The following LGI3 variants were observed in gnomAD, a reference collection of about 807,000 sequenced individuals.
The protein encoded by LGI3 is leucine-rich repeat LGI family member 3.
LGI3 carries 47 observed loss-of-function variants against 55.4 expected under a neutral mutation model. The observed-to-expected ratio is 0.85, with a 90% CI of 0.67 to 1.08. LGI3 has a LOEUF of 1.08. Ranked by LOEUF, LGI3 falls within the 50% of genes least tolerant of loss-of-function variation. The pLI, the probability that LGI3 is intolerant of heterozygous loss-of-function variation, is 0.00. For synonymous variants in LGI3, 326 were observed against 315.0 expected (o/e 1.04, Z -0.37); for missense variants, 664 against 726.3 (o/e 0.91, Z 0.99).
At chr8:22,155,300 C>T in intron 2 of LGI3, 92 bp downstream of exon 2, 2 of 1,187,950 alleles carry the variant, frequency 1.7e-6, no homozygotes, top group Non-Finnish European at 2.5e-6. Context: ...GCAGAGGCTG[C>T]CTCTGTCCAC....
rs144291859 is a variant in LGI3, at chr8:22,148,458, C to T, written c.1349G>A (p.Arg450His). 20 of 1,612,268 alleles carry T rather than the reference C, an allele frequency of 1.2e-5. No individual in the cohort carries two copies. Among genetic ancestry groups the T allele is most frequent in the African/African-American group, 5.3e-5 (4 of 74,878 alleles). Residue 450 changes from arginine to histidine, a missense_variant, in exon 8 of 8, where the codon CGC becomes CAC. By Grantham distance (29) the Arg-to-His change is conservative. Coordinates refer to ENST00000306317, the MANE Select transcript of LGI3 (RefSeq NM_139278.4). This position sits in a 1 kb window ranked among gnomAD's most constrained non-coding sequence, Gnocchi z 7.0. Reference protein sequence around the residue: ...SRYIGDSKILRWEGTRFSEVQ... With the variant: ...SRYIGDSKILHWEGTRFSEVQ... ...CTCCGAGAAGCGGGTACCCTCCCAG[C>T]GCAGGATCTTGGAGTCGCCAATGTA... is the stretch of plus-strand genomic sequence containing the variant.
intron 7 of LGI3, 76 bp downstream of exon 7, chr8:22,151,413 C>A (rs1355153749): frequency 7.0e-6 from 10 of 1,423,828 alleles, no homozygotes; most frequent in Non-Finnish European, 9.8e-6. Context: ...TACAGGAACT[C>A]AATGGGGTTG....
intron 7 of LGI3, among the ~76,000 whole-genome samples, chr8:22,149,246 A>G (rs1827347951): frequency 6.6e-6 from 1 of 152,240 alleles, no homozygotes; most frequent in Non-Finnish European, 1.5e-5. Flanking sequence ...GTGTCCCTCG[A>G]TAGTGACTCG....
At position 22,156,482 on chromosome 8, in the gene LGI3, C is replaced by T; in HGVS notation, c.61G>A (p.Gly21Ser). Residue 21 changes from glycine to serine, a missense_variant, in exon 1 of 8, where the codon GGC (glycine) becomes AGC (serine). Physicochemically the swap from Gly to Ser is moderately conservative, Grantham distance 56 (BLOSUM62 0). Transcript: ENST00000306317. ...GPGLLALSAL[G>S]FCLMLQVSAK... ...CTGACTTGCAGCATGAGGCAGAAGC[C>T]GAGCGCGGAGAGCGCCAGCAGCCCC... 1.4e-6 allele frequency: 2 copies of T among 1,431,900 alleles called. No homozygotes were observed. The highest frequency in any genetic ancestry group is 1.5e-5 in the African/African-American group (1 of 67,014). The allele number at this position is 1,431,900 out of a possible 1,614,324, so 88.7% of individuals were successfully genotyped here.
Position 22,151,895 on chromosome 8 carries a change from C to G in LGI3, c.600G>C (p.Pro200=). The G allele has an allele frequency of 6.2e-7, 1 of 1,613,260 alleles. No homozygotes were observed. The change falls in exon 6 of 8, where the codon CCG becomes CCC. Residue 200 remains proline, a synonymous_variant. Transcript: ENST00000306317. ...TTVAPIYCAS[P]PRFQEHKVQD... is the part of the protein sequence containing the mutation. ...GCACCTTGTGCTCCTGGAAGCGGGG[C>G]GGGCTGGCGCAGTAGATGGGTGCCA... is the stretch of plus-strand genomic sequence containing the variant.
Position 22,148,967 on chromosome 8 carries a change from T to G in LGI3, c.840A>C (p.Ala280=). 6.2e-7 allele frequency: 1 copy of G among 1,609,316 alleles called. No homozygotes were observed. The highest frequency in any genetic ancestry group is 8.5e-7 in the Non-Finnish European group (1 of 1,177,606). Residue 280 remains alanine (A), a synonymous_variant, in exon 8 of 8, where the codon GCA becomes GCC. Coordinates refer to ENST00000306317, the MANE Select transcript of LGI3 (RefSeq NM_139278.4). This position sits in a 1 kb window ranked among gnomAD's most constrained non-coding sequence, Gnocchi z 7.0. ...CCACCACCATCGGCTTGCAGTGCAC[T>G]GCAGAGGGGGCTGTGCCAGGACAGA... ...RDYDRIPAPS[A]VHCKPMVVDS...
Position 22,155,658 on chromosome 8 carries a change from T to G in LGI3, c.207-195A>C, listed in dbSNP as rs1279289636. On this transcript the variant is annotated intron_variant, in intron 1 of 7. Transcript: ENST00000306317. ...GCCTGCCTTCACCAGGGTCCTCCCC[T>G]ATTGCCTCTTGGGGCACCCATGGCC... 3 of 604,828 alleles carry G rather than the reference T, an allele frequency of 5.0e-6. No individual in the cohort carries two copies. In the African/African-American group the frequency reaches 5.5e-5, roughly 11 times the overall value. 37.5% of individuals were successfully genotyped at this position (604,828 alleles called of 1,614,324 possible).
At chr8:22,156,036 C>T (rs1218124797) in intron 1 of LGI3, among the ~76,000 whole-genome samples, 2 of 152,304 alleles carry the variant, frequency 1.3e-5, no homozygotes, top group African/African-American at 4.8e-5. Flanking sequence ...CCCACATGCT[C>T]GTGTAAGCAA....
chr8:22,154,213 GC>G lies in LGI3; in HGVS notation c.351-1del, dbSNP rs1827456171. On this transcript the variant is annotated splice_acceptor_variant, in intron 3 of 7. Coordinates refer to ENST00000306317, the MANE Select transcript of LGI3 (RefSeq NM_139278.4). LOFTEE classifies it high-confidence loss of function. ...CCCAGATGTCATTGTTCTCAATGAA[GC>G]TGGGGAAAGCGGGAACTTGCCTCAG... The G allele has an allele frequency of 6.2e-7, 1 of 1,613,480 alleles. No individual in the cohort carries two copies. The highest frequency in any genetic ancestry group is 8.5e-7 in the Non-Finnish European group (1 of 1,179,558).
At chr8:22,152,023 G>T (rs769008497) in intron 5 of LGI3, 23 bp from the exon 6 acceptor site, 3 of 1,564,192 alleles carry the variant, frequency 1.9e-6, no homozygotes, top group Admixed American at 1.8e-5. Flanking sequence ...GGCAGAGGAG[G>T]GGGGCACAGA....
chr8:22,156,595 T>C lies in LGI3; in HGVS notation c.-53A>G, dbSNP rs1586411971. 1.5e-6 allele frequency: 1 copy of C among 665,548 alleles called. No individual in the cohort carries two copies. The highest frequency in any genetic ancestry group is 2.0e-6 in the Non-Finnish European group (1 of 488,644). 41.2% of individuals were successfully genotyped at this position (665,548 alleles called of 1,614,324 possible). A position where few individuals can be genotyped will look rare whatever the true frequency, so the allele number is the denominator to read the frequency against. The stretch of plus-strand genomic sequence containing the variant: ...GCGGCCGCGGCCCCCGCCCCACCGC[T>C]CCCGCGGCTGGGCCACCCCGCGCGG... On this transcript the variant is annotated 5_prime_UTR_variant, in exon 1 of 8. Transcript: ENST00000306317.
At chr8:22,153,342 C>T (rs1827405404) in intron 5 of LGI3, among the ~76,000 whole-genome samples, 1 of 151,184 alleles carries the variant, frequency 6.6e-6, no homozygotes, top group African/African-American at 2.4e-5. Flanking sequence ...TCCTTGGCCT[C>T]CCAAAGTGCT....
Position 22,146,861 on chromosome 8 carries a change from G to A in LGI3, c.*1299C>T, listed in dbSNP as rs1827306367. On this transcript the variant is annotated 3_prime_UTR_variant, in exon 8 of 8. Coordinates refer to ENST00000306317, the MANE Select transcript of LGI3 (RefSeq NM_139278.4). ...GGCGGGAACTTTTTATTTGAAGCAA[G>A]TTAATCATAGCATTGCCCCCCAGTA... The A allele has an allele frequency of 6.6e-6, 1 of 152,286 alleles. No individual in the cohort carries two copies. The highest frequency in any genetic ancestry group is 1.5e-5 in the Non-Finnish European group (1 of 68,062). The allele number at this position is 152,286 out of a possible 1,614,324, so 9.4% of individuals were successfully genotyped here.
rs141239068 is a variant in LGI3 at position 22,149,090 on chromosome 8, G to A, written c.830-113C>T. ...ACTTGGGCCAGGACTAAGACTCTGC[G>A]CTATACCATTCCACCCACACTGAAG... On this transcript the variant is annotated intron_variant, in intron 7 of 7. Transcript: ENST00000306317. 1.9e-3 allele frequency: 1,283 copies of A among 678,134 alleles called. 13 individuals carry two copies. In the African/African-American group the frequency reaches 0.021, roughly 11 times the overall value. 42.0% of individuals were successfully genotyped at this position (678,134 alleles called of 1,614,324 possible).
In LGI3 at chr8:22,148,537, G is replaced by C. The variant is rs369486356; in HGVS notation, c.1270C>G (p.Gln424Glu). The change falls in exon 8 of 8, where the codon CAA becomes GAA. Residue 424 changes from glutamine (Q) to glutamate (E), a missense_variant. Physicochemically the swap from Gln to Glu is conservative, Grantham distance 29. Coordinates refer to ENST00000306317, the MANE Select transcript of LGI3 (RefSeq NM_139278.4). The surrounding 1 kb of genome is among the most constrained non-coding windows in gnomAD (Gnocchi z 7.0). ...CCGGCACGAAAGTGTTTCACAGCTT[G>C]GGCATCAGGCACCTGGGTCACCTCA... ...QGEVTQVPDA[Q>E]AVKHFRAGRD... The C allele has an allele frequency of 9.7e-5, 157 of 1,613,690 alleles. No individual in the cohort carries two copies. Among genetic ancestry groups the C allele is most frequent in the Non-Finnish European group, 5.2e-5 (61 of 1,180,022 alleles).
In LGI3 at chr8:22,156,343, A is replaced by G. The variant is rs766257424; in HGVS notation, c.200T>C (p.Ile67Thr). 11 of 1,609,838 alleles carry G rather than the reference A, an allele frequency of 6.8e-6. No homozygotes were observed. In the East Asian group the frequency reaches 1.8e-4, roughly 26 times the overall value. ...GCCAGGGCTGGACACTCACAGGGAG[A>G]TGACCTCCGAGGGCAGGTTCCTGGG... ...AVPRNLPSEV[I>T]SLTLVNAAFS... The change falls in exon 1 of 8, where the codon ATC (isoleucine) becomes ACC (threonine). Residue 67 changes from isoleucine to threonine, a missense_variant. By Grantham distance (89) the Ile-to-Thr change is moderately conservative. Transcript: ENST00000306317.
At position 22,148,192 on chromosome 8, in the gene LGI3, A is replaced by ACACCAG; in HGVS notation, c.1609_1614dup (p.Leu537_Val538dup). Reference sequence around the variant, plus strand: ...CTGAGATCCACCACAATGTGTCTATACACCAGCGTCTGTCCCTTGAAGCTG... The same window carrying ACACCAG: ...CTGAGATCCACCACAATGTGTCTATACACCAGCACCAGCGTCTGTCCCTTGAAGCTG... On this transcript the variant is annotated inframe_insertion, in exon 8 of 8. Transcript: ENST00000306317. This position sits in a 1 kb window ranked among gnomAD's most constrained non-coding sequence, Gnocchi z 7.0. The ACACCAG allele has an allele frequency of 6.2e-7, 1 of 1,611,564 alleles. No individual in the cohort carries two copies. The highest frequency in any genetic ancestry group is 8.5e-7 in the Non-Finnish European group (1 of 1,178,876).
chr8:22,148,180 C>T lies in LGI3; in HGVS notation c.1627G>A (p.Val543Met). Residue 543 changes from valine (V) to methionine (M), a missense_variant, in exon 8 of 8, where the codon GTG becomes ATG. Physicochemically the swap from Val to Met is conservative, Grantham distance 21. Transcript: ENST00000306317. The surrounding 1 kb of genome is among the most constrained non-coding windows in gnomAD (Gnocchi z 7.0). ...KGQTLVYRHI[V>M]VDLSA ...ACCCCCTAGGCACTGAGATCCACCA[C>T]AATGTGTCTATACACCAGCGTCTGT... 6.2e-7 allele frequency: 1 copy of T among 1,606,260 alleles called. No homozygotes were observed. The highest frequency in any genetic ancestry group is 8.5e-7 in the Non-Finnish European group (1 of 1,176,576).
At chr8:22,155,626 A>G (rs1827480625) in intron 1 of LGI3, 163 bp from the exon 2 acceptor site, 1 of 634,350 alleles carries the variant, frequency 1.6e-6, no homozygotes, top group Non-Finnish European at 2.8e-6. Flanking sequence ...CTCCTCCCAA[A>G]TTCACTGCCT....
Sources: gnomAD v4.1 joint callset for allele counts (sites outside exome capture counted in the v4.1 genomes callset) on GRCh38, gnomAD v4.1.1 for gene constraint, Gnocchi (gnomAD v3.1) non-coding constraint, MANE v1.5 for transcripts, NCBI Gene and HGNC (gene_info 2026-07-23, HGNC 2026-07-21) for gene names.